The following FMO5 variants were observed in gnomAD, a reference collection of about 807,000 sequenced individuals.
FMO5 encodes flavin-containing monooxygenase 5.
FMO5 carries 51 observed loss-of-function variants against 43.6 expected under a neutral mutation model. The ratio of observed to expected loss-of-function variants is 1.17; its 90% CI spans 0.93 to 1.48. FMO5 has a LOEUF of 1.48. Ranked by LOEUF, FMO5 falls within the 40% of genes most tolerant of loss-of-function variation. FMO5 has a pLI of 0.00. For synonymous variants in FMO5, 187 were observed against 216.5 expected (o/e 0.86, Z 1.20); for missense variants, 644 against 643.0 (o/e 1.00, Z -0.02).
intron 2 of FMO5, among the ~76,000 whole-genome samples, chr1:147,221,750 C>T (rs1200817087): frequency 6.6e-6 from 1 of 152,204 alleles, no homozygotes; most frequent in Non-Finnish European, 1.5e-5. Context: ...TGACAGATCT[C>T]ACCTCTTTGA....
chr1:147,191,466 G>C (rs1656787598), intron 7 of FMO5, among the ~76,000 whole-genome samples: 1 of 152,006 alleles, frequency 6.6e-6, no homozygotes, highest in South Asian at 2.1e-4. Flanking sequence ...GTATTTTTTG[G>C]CTGCATAAAT....
chr1:147,222,938 T>C (rs1054948271), intron 2 of FMO5, among the ~76,000 whole-genome samples: 1 of 152,222 alleles, frequency 6.6e-6, no homozygotes, highest in African/African-American at 2.4e-5. Flanking sequence ...ACCACATGTG[T>C]GAGTCCCATC....
chr1:147,194,262 T>C (rs1559640415), intron 7 of FMO5, among the ~76,000 whole-genome samples: 1 of 152,186 alleles, frequency 6.6e-6, no homozygotes, highest in Non-Finnish European at 1.5e-5. Context: ...CATTATTTAA[T>C]GGCCTTCTTT....
chr1:147,212,136 A>G (rs1178844903), intron 5 of FMO5, among the ~76,000 whole-genome samples: 1 of 152,234 alleles, frequency 6.6e-6, no homozygotes, highest in Non-Finnish European at 1.5e-5. Flanking sequence ...TAGGATAATG[A>G]GCCCAGACTT....
intron 6 of FMO5, chr1:147,203,456 C>T: frequency 4.8e-6 from 4 of 832,304 alleles, no homozygotes; most frequent in Non-Finnish European, 8.6e-6. Flanking sequence ...ATGTCCGTTA[C>T]AGCAGGGACT....
At chr1:147,222,716 A>G (rs1193718403) in intron 2 of FMO5, among the ~76,000 whole-genome samples, 2 of 152,244 alleles carry the variant, frequency 1.3e-5, no homozygotes, top group Admixed American at 6.5e-5. Context: ...AGCAGTTTAC[A>G]AAGTGTTAAA....
At position 147,186,564 on chromosome 1, in the gene FMO5, A is replaced by G; in HGVS notation, c.*336T>C. ...ATACCGATGCTGACTTACTCTCCCT[A>G]CCATAAAATTTGATAAACAACAAAC... On this transcript the variant is annotated 3_prime_UTR_variant, in exon 9 of 9. Coordinates refer to ENST00000254090, the MANE Select transcript of FMO5 (RefSeq NM_001461.4). 10 of 1,023,428 alleles carry G rather than the reference A, an allele frequency of 9.8e-6. No individual in the cohort carries two copies. The highest frequency in any genetic ancestry group is 1.2e-5 in the Non-Finnish European group (10 of 855,354). The allele number at this position is 1,023,428 out of a possible 1,614,324, so 63.4% of individuals were successfully genotyped here. A position where few individuals can be genotyped will look rare whatever the true frequency, so the allele number is the denominator to read the frequency against.
At chr1:147,216,004 A>G in intron 2 of FMO5, 62 bp from the exon 3 acceptor site, 1 of 1,301,922 alleles carries the variant, frequency 7.7e-7, no homozygotes, top group Middle Eastern at 1.9e-4. Flanking sequence ...TATAATAGCC[A>G]ATAGACATCT....
chr1:147,187,620 CA>C (rs1655864462), intron 8 of FMO5, among the ~76,000 whole-genome samples: 1 of 152,112 alleles, frequency 6.6e-6, no homozygotes, highest in African/African-American at 2.4e-5. Flanking sequence ...AAACCCATCA[CA>C]AAAATTCTCA....
Position 147,215,849 on chromosome 1 carries a change from C to T in FMO5, c.229G>A (p.Asp77Asn). The T allele has an allele frequency of 6.2e-7, 1 of 1,613,730 alleles. No individual in the cohort carries two copies. The highest frequency in any genetic ancestry group is 1.7e-4 in the Middle Eastern group (1 of 6,058). Residue 77 changes from aspartate to asparagine, a missense_variant, in exon 3 of 9, where the codon GAT (aspartate) becomes AAT (asparagine). Physicochemically the swap from Asp to Asn is conservative, Grantham distance 23. Coordinates refer to ENST00000254090, the MANE Select transcript of FMO5 (RefSeq NM_001461.4). ...MMCFSDYPIP[D>N]HYPNFMHNAQ... ...TTATGCATGAAGTTGGGATAATGAT[C>T]TGGGATTGGATAGTCACTGAAGCAC...
At chr1:147,197,185 T>C (rs1658156571) in intron 7 of FMO5, among the ~76,000 whole-genome samples, 1 of 152,204 alleles carries the variant, frequency 6.6e-6, no homozygotes, top group Non-Finnish European at 1.5e-5. Flanking sequence ...CTATTTGTTC[T>C]GTCACTTTCA....
intron 7 of FMO5, among the ~76,000 whole-genome samples, chr1:147,191,715 A>G (rs1213567104): frequency 6.6e-6 from 1 of 151,674 alleles, no homozygotes; most frequent in Non-Finnish European, 1.5e-5. Context: ...ATCCAGTTTC[A>G]GCTTTCTACA....
At chr1:147,191,198 C>G (rs587646191) in intron 7 of FMO5, among the ~76,000 whole-genome samples, 1 of 152,082 alleles carries the variant, frequency 6.6e-6, no homozygotes, top group Non-Finnish European at 1.5e-5. Flanking sequence ...GGTATATACC[C>G]AGTAATGGGA....
chr1:147,209,024 A>G lies in FMO5; in HGVS notation c.658T>C (p.Trp220Arg). Reference protein sequence around the residue: ...QVFLSTRRGAWILNRVGDYGY... With the variant: ...QVFLSTRRGARILNRVGDYGY... ...TAGTCCCCTACACGATTCAGGATCC[A>G]AGCCCCTCTCCTGGTGCTGAGGAAA... is the stretch of plus-strand genomic sequence containing the variant. Residue 220 changes from tryptophan to arginine, a missense_variant, in exon 6 of 9, where the codon TGG becomes CGG. Physicochemically the swap from Trp to Arg is moderately radical, Grantham distance 101 (BLOSUM62 -3). Coordinates refer to ENST00000254090, the MANE Select transcript of FMO5 (RefSeq NM_001461.4). 2 of 1,614,178 alleles carry G rather than the reference A, an allele frequency of 1.2e-6. No homozygotes were observed. Among genetic ancestry groups the G allele is most frequent in the Non-Finnish European group, 1.7e-6 (2 of 1,179,994 alleles).
chr1:147,212,305 C>T (rs17360059), intron 5 of FMO5, 88 bp downstream of exon 5: 42,903 of 1,358,594 alleles, frequency 0.032, 1,016 homozygotes, highest in South Asian at 0.09. Flanking sequence ...TGCAGGTATC[C>T]CTATTCTCTG....
At chr1:147,219,566 T>G (rs1471015080) in intron 2 of FMO5, among the ~76,000 whole-genome samples, 2 of 152,048 alleles carry the variant, frequency 1.3e-5, no homozygotes, top group Non-Finnish European at 2.9e-5. Context: ...CCCCTAAGAC[T>G]GGGAACAAGG....
chr1:147,213,254 G>T, intron 4 of FMO5, 54 bp downstream of exon 4: 1 of 1,423,114 alleles, frequency 7.0e-7, no homozygotes, highest in Non-Finnish European at 9.4e-7. Flanking sequence ...CCATTCCTCA[G>T]GGGTCAGGTC....
chr1:147,184,605 T>A, downstream of FMO5: 1 of 1,547,992 alleles, frequency 6.5e-7, no homozygotes, highest in Non-Finnish European at 8.7e-7. The surrounding 1 kb of genome is among the most constrained non-coding windows in gnomAD (Gnocchi z 4.4). Context: ...AACTTGGGTT[T>A]GTCTGATGTT....
Position 147,216,090 on chromosome 1 carries a change from T to C in FMO5, c.136-148A>G. ...GTATTTGTGCCCTTATGTAGTCCCT[T>C]CCCCTTGAATCTCAGTTATCTTTAT... On this transcript the variant is annotated intron_variant, in intron 2 of 8. Coordinates refer to ENST00000254090, the MANE Select transcript of FMO5 (RefSeq NM_001461.4). 5.1e-6 allele frequency: 3 copies of C among 586,554 alleles called. 1 individual carries two copies. The highest frequency in any genetic ancestry group is 8.9e-6 in the Non-Finnish European group (3 of 336,674). The allele number at this position is 586,554 out of a possible 1,614,324, so 36.3% of individuals were successfully genotyped here.
Sources: allele counts gnomAD v4.1 joint callset (sites outside exome capture counted in the v4.1 genomes callset), GRCh38; gene constraint gnomAD v4.1.1; non-coding constraint Gnocchi (gnomAD v3.1); transcripts MANE v1.5; gene names NCBI Gene and HGNC (gene_info 2026-07-23, HGNC 2026-07-21).